The following SLC24A3 variants were observed in gnomAD, a reference collection of about 807,000 sequenced individuals.
SLC24A3 encodes the protein sodium/potassium/calcium exchanger 3.
SLC24A3 carries 28 observed loss-of-function variants against 75.8 expected under a neutral mutation model. That is an observed-to-expected ratio of 0.37 (90% CI 0.27 to 0.51). SLC24A3 has a LOEUF of 0.51. SLC24A3 is among the 20% of genes least tolerant of loss of function. The pLI, the probability that SLC24A3 is intolerant of heterozygous loss-of-function variation, is 0.94. For synonymous variants in SLC24A3, 372 were observed against 334.1 expected, an observed-to-expected ratio of 1.11 and a Z score of -1.24; for missense variants, 663 against 847.8, an observed-to-expected ratio of 0.78 and a Z score of 2.71.
intron 2 of SLC24A3, among the ~76,000 whole-genome samples, chr20:19,410,331 T>C (rs1600469970): frequency 6.6e-6 from 1 of 152,232 alleles, no homozygotes; most frequent in Admixed American, 6.5e-5. Context: ...CGTGCGGTCA[T>C]GGCCTCCAAA....
At chr20:19,222,822 T>C (rs1434420930) in intron 1 of SLC24A3, among the ~76,000 whole-genome samples, 1 of 142,722 alleles carries the variant, frequency 7.0e-6, no homozygotes, top group African/African-American at 2.5e-5. Context: ...CCTTCGTTCC[T>C]TCCTTCCTTC....
intron 3 of SLC24A3, among the ~76,000 whole-genome samples, chr20:19,579,369 C>G (rs1419645016): frequency 1.3e-5 from 2 of 152,204 alleles, no homozygotes; most frequent in African/African-American, 2.4e-5. Flanking sequence ...GTTTGCAAAG[C>G]TTTCCTGCAG....
intron 2 of SLC24A3, among the ~76,000 whole-genome samples, chr20:19,360,565 G>A (rs1050055735): frequency 6.6e-6 from 1 of 152,206 alleles, no homozygotes; most frequent in African/African-American, 2.4e-5. Flanking sequence ...TATGGCATCT[G>A]AATCTATGGA....
intron 2 of SLC24A3, among the ~76,000 whole-genome samples, chr20:19,336,071 T>C (rs1287328443): frequency 6.0e-5 from 9 of 150,162 alleles, no homozygotes; most frequent in African/African-American, 2.3e-4. Flanking sequence ...TAACAATGGG[T>C]GATTCAGATA....
intron 15 of SLC24A3, among the ~76,000 whole-genome samples, chr20:19,710,160 A>ATCC (rs1362409096): frequency 6.6e-6 from 1 of 152,252 alleles, no homozygotes; most frequent in Non-Finnish European, 1.5e-5. Context: ...TAAATTAGCA[A>ATCC]AAATCCAGGG....
intron 2 of SLC24A3, among the ~76,000 whole-genome samples, chr20:19,417,408 G>A (rs978115101): frequency 6.6e-6 from 1 of 152,094 alleles, no homozygotes; most frequent in African/African-American, 2.4e-5. Context: ...GAACAATAGC[G>A]GGCAGATGAG....
chr20:19,495,844 C>T (rs1455296916), intron 2 of SLC24A3, among the ~76,000 whole-genome samples: 1 of 152,204 alleles, frequency 6.6e-6, no homozygotes, highest in Non-Finnish European at 1.5e-5. Context: ...TCCACAGCAC[C>T]CCAGATTTCA....
intron 2 of SLC24A3, among the ~76,000 whole-genome samples, chr20:19,510,291 C>T (rs576469021): frequency 2.0e-5 from 3 of 152,262 alleles, no homozygotes; most frequent in African/African-American, 7.2e-5. Context: ...GGGGTCCTAC[C>T]ATGCTAGATT....
At chr20:19,439,756 C>A (rs1987267956) in intron 2 of SLC24A3, among the ~76,000 whole-genome samples, 1 of 152,180 alleles carries the variant, frequency 6.6e-6, no homozygotes, top group African/African-American at 2.4e-5. Flanking sequence ...TCAGAGGTCT[C>A]TGAATGGAAA....
At chr20:19,471,818 A>G (rs1987877532) in intron 2 of SLC24A3, among the ~76,000 whole-genome samples, 1 of 152,184 alleles carries the variant, frequency 6.6e-6, no homozygotes, top group South Asian at 2.1e-4. Flanking sequence ...AAAAAGTTTT[A>G]ACTGAATGGA....
At position 19,704,764 on chromosome 20, in the gene SLC24A3, G is replaced by A. The variant is rs7345170; in HGVS notation, c.1719+6084G>A. On this transcript the variant is annotated intron_variant, in intron 15 of 16. Coordinates refer to ENST00000328041, the MANE Select transcript of SLC24A3 (RefSeq NM_020689.4). ...GAGAAGGAACAGTACTTGCAAAGGCGTCGAGGCAGGATGTGTCCTAGAACA... is the reference window on the plus strand; with the variant it reads ...GAGAAGGAACAGTACTTGCAAAGGCATCGAGGCAGGATGTGTCCTAGAACA... 6.0e-3 allele frequency among the ~76,000 whole-genome samples: 920 copies of A among 152,250 alleles called. 9 individuals carry two copies. The highest frequency in any genetic ancestry group is 0.018 in the African/African-American group (742 of 41,544).
chr20:19,559,894 T>C (rs564765720), intron 3 of SLC24A3, among the ~76,000 whole-genome samples: 1 of 152,270 alleles, frequency 6.6e-6, no homozygotes, highest in Non-Finnish European at 1.5e-5. Context: ...CTCATAAATA[T>C]TTAACAACTG....
chr20:19,321,464 T>C (rs1416090284), intron 2 of SLC24A3, among the ~76,000 whole-genome samples: 2 of 152,044 alleles, frequency 1.3e-5, no homozygotes, highest in Non-Finnish European at 2.9e-5. Context: ...AGTGAAAACA[T>C]GTGAAGGAAA....
chr20:19,352,721 A>G (rs563140958), intron 2 of SLC24A3, among the ~76,000 whole-genome samples: 65 of 152,310 alleles, frequency 4.3e-4, no homozygotes, highest in Admixed American at 7.8e-4. Context: ...TTGTTTCAAC[A>G]TGTGAAGTCT....
intron 2 of SLC24A3, among the ~76,000 whole-genome samples, chr20:19,407,136 G>A (rs965771494): frequency 2.0e-5 from 3 of 152,186 alleles, no homozygotes; most frequent in Admixed American, 1.3e-4. Context: ...AAGAAGATGG[G>A]ATCTTGTTGG....
chr20:19,275,380 G>A (rs1053933854), intron 1 of SLC24A3, among the ~76,000 whole-genome samples: 1 of 152,184 alleles, frequency 6.6e-6, no homozygotes, highest in Non-Finnish European at 1.5e-5. Flanking sequence ...TTTTGCTGAT[G>A]ATGCAGCAAA....
chr20:19,503,513 C>A (rs1484679409), intron 2 of SLC24A3, among the ~76,000 whole-genome samples: 1 of 152,086 alleles, frequency 6.6e-6, no homozygotes, highest in African/African-American at 2.4e-5. Flanking sequence ...GAGTAATTTG[C>A]AGATTCTTTA....
chr20:19,592,773 G>A lies in SLC24A3; in HGVS notation c.612+7229G>A, dbSNP rs1262218444. On this transcript the variant is annotated intron_variant, in intron 6 of 16. Transcript: ENST00000328041. ...TCTGAAACTCACTGCCTACATCTTC[G>A]GCAAAAATTTTCTTTCTTTCTTTCT... 4.7e-5 allele frequency among the ~76,000 whole-genome samples: 7 copies of A among 149,844 alleles called. No homozygotes were observed. In the East Asian group the frequency reaches 7.8e-4, roughly 17 times the overall value.
chr20:19,490,021 A>C (rs1168063392), intron 2 of SLC24A3, among the ~76,000 whole-genome samples: 3 of 151,802 alleles, frequency 2.0e-5, no homozygotes, highest in Non-Finnish European at 4.4e-5. Context: ...GGTTGGGGGG[A>C]TCCTGAATTG....
Sources: gnomAD v4.1 joint callset for allele counts (sites outside exome capture counted in the v4.1 genomes callset) on GRCh38, gnomAD v4.1.1 for gene constraint, MANE v1.5 for transcripts, NCBI Gene and HGNC (gene_info 2026-07-23, HGNC 2026-07-21) for gene names.